The following FAM13B variants were observed in gnomAD, a reference collection of about 807,000 sequenced individuals.
FAM13B encodes the protein family with sequence similarity 13 member B, also known as protein FAM13B.
A neutral mutation model predicts 117.3 loss-of-function variants in FAM13B; 60 were observed. The ratio of observed to expected loss-of-function variants is 0.51; its 90% CI spans 0.42 to 0.63. The LOEUF (loss-of-function observed/expected upper bound fraction) is 0.63. Ranked by LOEUF, FAM13B falls within the 30% of genes least tolerant of loss-of-function variation. The pLI, the probability that FAM13B is intolerant of heterozygous loss-of-function variation, is 0.00. For synonymous variants in FAM13B, 332 were observed against 356.1 expected, an observed-to-expected ratio of 0.93 and a Z score of 0.76; for missense variants, 972 against 1,091.9, an observed-to-expected ratio of 0.89 and a Z score of 1.55.
At chr5:137,959,840 T>C in intron 12 of FAM13B, 77 bp from the exon 13 acceptor site, 4 of 1,415,304 alleles carry the variant, frequency 2.8e-6, no homozygotes, top group Middle Eastern at 2.4e-4. Context: ...CCAGCACATA[T>C]CCAAGTGTAG....
At chr5:138,000,585 A>G (rs897923210) in intron 7 of FAM13B, among the ~76,000 whole-genome samples, 1 of 152,176 alleles carries the variant, frequency 6.6e-6, no homozygotes, top group African/African-American at 2.4e-5. Flanking sequence ...GAAAGACTTT[A>G]TTAATAAAAA....
chr5:138,009,771 C>T (rs1447618081), intron 6 of FAM13B, among the ~76,000 whole-genome samples: 2 of 136,422 alleles, frequency 1.5e-5, no homozygotes, highest in African/African-American at 5.4e-5. Flanking sequence ...CACCATTGCA[C>T]TCCAGCTTGG....
intron 10 of FAM13B, among the ~76,000 whole-genome samples, chr5:137,966,482 TATATATAGAGAGAGAG>T (rs1317779430): frequency 2.7e-3 from 146 of 53,868 alleles, no homozygotes; most frequent in African/African-American, 9.0e-3. Context: ...TATATATATA[TATATATAGAGAGAGAG>T]AGAGAGAGAG....
chr5:138,017,996 TTACA>T (rs1785681851), intron 4 of FAM13B, among the ~76,000 whole-genome samples: 1 of 152,160 alleles, frequency 6.6e-6, no homozygotes, highest in Non-Finnish European at 1.5e-5. Flanking sequence ...ACACATTACC[TTACA>T]TAAATTTCTC....
At chr5:137,953,569 TAA>T (rs1765625951) in intron 15 of FAM13B, 104 bp from the exon 16 acceptor site, 1 of 1,203,096 alleles carries the variant, frequency 8.3e-7, no homozygotes, top group Non-Finnish European at 1.2e-6. Context: ...ATCTTAAAGG[TAA>T]AAATAAGTCC....
Position 137,962,462 on chromosome 5 carries a change from C to T in FAM13B, c.1187G>A (p.Gly396Asp). 6.2e-7 allele frequency: 1 copy of T among 1,613,266 alleles called. No homozygotes were observed. The highest frequency in any genetic ancestry group is 8.5e-7 in the Non-Finnish European group (1 of 1,179,594). The stretch of plus-strand genomic sequence containing the variant: ...GTCACTGCATGGCTCTAACAATATA[C>T]CTACAGACTGACAAAAAGAACACTA... Reference protein sequence around the residue: ...FENEENTQSVGILLEPCSDRG... With the variant: ...FENEENTQSVDILLEPCSDRG... The change falls in exon 11 of 24, where the codon GGT (glycine) becomes GAT (aspartate). Residue 396 changes from glycine to aspartate, a missense_variant. Gly to Asp is a moderately conservative substitution (Grantham distance 94). Transcript: ENST00000689681.
intron 22 of FAM13B, chr5:137,942,359 T>G (rs2150113215): frequency 3.4e-6 from 1 of 291,746 alleles, no homozygotes; most frequent in East Asian, 6.7e-5. Flanking sequence ...ACTGTAGGAT[T>G]TTATTTGTTT....
At chr5:138,035,014 T>TTTTTTTTTTTTC (rs1790994630), upstream of FAM13B, among the ~76,000 whole-genome samples, 1 of 114,888 alleles carries the variant, frequency 8.7e-6, no homozygotes, top group African/African-American at 3.2e-5. Context: ...TTTTTTTTTT[T>TTTTTTTTTTTTC]TTTTTTTTTT....
chr5:137,960,145 A>C, intron 12 of FAM13B, 21 bp downstream of exon 12: 1 of 1,469,394 alleles, frequency 6.8e-7, no homozygotes, highest in South Asian at 1.2e-5. Context: ...TTAAAGACTA[A>C]GACAAAAAAA....
chr5:138,003,679 C>T (rs935792264), intron 7 of FAM13B, among the ~76,000 whole-genome samples: 1 of 152,244 alleles, frequency 6.6e-6, no homozygotes, highest in Admixed American at 6.5e-5. Flanking sequence ...ACCAGTTCCA[C>T]GCTGGCCATG....
Position 137,942,954 on chromosome 5 carries a change from T to A in FAM13B, c.2509A>T (p.Asn837Tyr). 6.2e-7 allele frequency: 1 copy of A among 1,613,594 alleles called. No individual in the cohort carries two copies. The highest frequency in any genetic ancestry group is 1.7e-5 in the Admixed American group (1 of 59,938). Reference sequence around the variant, plus strand: ...TTTTCTTCAACATCAGATTCAGAGTTTTCTAATGAAGACTGTACCTGTACT... The same window carrying A: ...TTTTCTTCAACATCAGATTCAGAGTATTCTAATGAAGACTGTACCTGTACT... The part of the protein sequence containing the change: ...TAVQVQSSLE[N>Y]SESDVEENQE... Residue 837 changes from asparagine (N) to tyrosine (Y), a missense_variant, in exon 22 of 24, where the codon AAC (asparagine) becomes TAC (tyrosine). Transcript: ENST00000689681.
At chr5:137,968,961 A>G (rs1047676962) in intron 10 of FAM13B, among the ~76,000 whole-genome samples, 2 of 152,150 alleles carry the variant, frequency 1.3e-5, no homozygotes, top group African/African-American at 4.8e-5. Flanking sequence ...AGGGTCCTAC[A>G]CCCACAGAGT....
intron 1 of FAM13B, among the ~76,000 whole-genome samples, chr5:138,028,444 T>C (rs1789017058): frequency 6.6e-6 from 1 of 151,924 alleles, no homozygotes; most frequent in Admixed American, 6.6e-5. Flanking sequence ...GCCAGATAGG[T>C]CCCCTGAGAT....
At chr5:138,020,442 T>G (rs898648082) in intron 2 of FAM13B, among the ~76,000 whole-genome samples, 2 of 152,238 alleles carry the variant, frequency 1.3e-5, no homozygotes, top group African/African-American at 4.8e-5. Context: ...GTCCTAATTT[T>G]GTAGGAATTG....
At chr5:137,941,048 G>T (rs1714264098) in intron 23 of FAM13B, among the ~76,000 whole-genome samples, 1 of 152,110 alleles carries the variant, frequency 6.6e-6, no homozygotes. Flanking sequence ...TGGAACTACA[G>T]GTGCCCGCCA....
chr5:137,939,793 CA>C lies in FAM13B; in HGVS notation c.*431del, dbSNP rs1338207279. 4.0e-5 allele frequency: 46 copies of C among 1,144,480 alleles called. No homozygotes were observed. Among genetic ancestry groups the C allele is most frequent in the Non-Finnish European group, 5.0e-5 (46 of 918,240 alleles). 70.9% of individuals were successfully genotyped at this position (1,144,480 alleles called of 1,614,324 possible). On this transcript the variant is annotated 3_prime_UTR_variant, in exon 24 of 24. Coordinates refer to ENST00000689681, the MANE Select transcript of FAM13B (RefSeq NM_001385994.1). ...TTTATAGGCTTTTCTTTCAAATTTT[CA>C]GTCATTCTGTAAGAAAAAGGCAACA...
intron 13 of FAM13B, among the ~76,000 whole-genome samples, chr5:137,958,212 TA>T (rs1162726670): frequency 6.6e-6 from 1 of 152,220 alleles, no homozygotes; most frequent in Non-Finnish European, 1.5e-5. Context: ...ACCAGTATGC[TA>T]ACATATCCCC....
intron 9 of FAM13B, among the ~76,000 whole-genome samples, chr5:137,986,690 G>C (rs539110334): frequency 3.9e-5 from 6 of 152,096 alleles, no homozygotes; most frequent in East Asian, 1.9e-4. Flanking sequence ...GATTTGTTTT[G>C]TTTGTTTTCA....
At chr5:138,037,419 C>T (rs1187250042), upstream of FAM13B, among the ~76,000 whole-genome samples, 1 of 150,626 alleles carries the variant, frequency 6.6e-6, no homozygotes, top group African/African-American at 2.4e-5. Flanking sequence ...ACCTGGACTG[C>T]ATTCTAGATG....
Sources: allele counts gnomAD v4.1 joint callset (sites outside exome capture counted in the v4.1 genomes callset), GRCh38; gene constraint gnomAD v4.1.1; transcripts MANE v1.5; gene names NCBI Gene and HGNC (gene_info 2026-07-23, HGNC 2026-07-21).